Variants in CYP2A13 observed in about 807,000 individuals in gnomAD.
CYP2A13 encodes the protein cytochrome P450 2A13.
A neutral mutation model predicts 39.4 loss-of-function variants in CYP2A13; 30 were observed. That is an observed-to-expected ratio of 0.76 (90% confidence interval 0.57 to 1.03). The LOEUF (loss-of-function observed/expected upper bound fraction) is 1.03, where lower values mean the gene tolerates loss of function less well. Ranked by LOEUF, CYP2A13 falls within the 50% of genes least tolerant of loss-of-function variation. CYP2A13 has a pLI of 0.00. For synonymous variants in CYP2A13, 269 were observed against 254.7 expected (o/e 1.06, Z -0.54); for missense variants, 731 against 648.4 (o/e 1.13, Z -1.38).
In CYP2A13 at chr19:41,096,082, A is replaced by G; in HGVS notation, c.*141A>G. 1 of 1,272,976 alleles carries G rather than the reference A, an allele frequency of 7.9e-7. No homozygotes were observed. Among genetic ancestry groups the G allele is most frequent in the East Asian group, 2.5e-5 (1 of 39,422 alleles). 78.9% of individuals were successfully genotyped at this position (1,272,976 alleles called of 1,614,324 possible). On this transcript the variant is annotated 3_prime_UTR_variant, in exon 9 of 9. Coordinates refer to ENST00000330436, the MANE Select transcript of CYP2A13 (RefSeq NM_000766.5). ...AGAGGTGGTTAGAGGGAACAGAAGA[A>G]ACAGAAGGGGCTCAGTTCACCTTGA...
intron 4 of CYP2A13, among the ~76,000 whole-genome samples, chr19:41,091,493 C>T (rs1447355569): frequency 6.6e-6 from 1 of 152,176 alleles, no homozygotes; most frequent in Non-Finnish European, 1.5e-5. Context: ...ATTTGCATAC[C>T]TGAAACCTGG....
chr19:41,092,137 G>C (rs911932840), intron 5 of CYP2A13, among the ~76,000 whole-genome samples: 52 of 151,912 alleles, frequency 3.4e-4, no homozygotes, highest in Middle Eastern at 6.8e-3. Context: ...CCAACATGGT[G>C]AAACCCCGTC....
chr19:41,094,793 G>T (rs560082784), intron 7 of CYP2A13, among the ~76,000 whole-genome samples, 166 bp from the exon 8 acceptor site: 1 of 152,076 alleles, frequency 6.6e-6, no homozygotes, highest in Admixed American at 6.5e-5. Context: ...CTGTTTCAGA[G>T]ACATGAAACT....
chr19:41,095,999 G>A lies in CYP2A13; in HGVS notation c.*58G>A. The A allele has an allele frequency of 6.3e-7, 1 of 1,576,862 alleles. No individual in the cohort carries two copies. The highest frequency in any genetic ancestry group is 2.3e-5 in the East Asian group (1 of 43,762). On this transcript the variant is annotated 3_prime_UTR_variant, in exon 9 of 9. Coordinates refer to ENST00000330436, the MANE Select transcript of CYP2A13 (RefSeq NM_000766.5). ...GGGGCCAGGGAAACGGCCGGGGCAG[G>A]GGCGGGGCTTGTGGGAGGGGCGGGG...
chr19:41,089,578 G>A (rs561009876), intron 2 of CYP2A13, among the ~76,000 whole-genome samples: 1 of 151,804 alleles, frequency 6.6e-6, no homozygotes, highest in South Asian at 2.1e-4. Flanking sequence ...CTCTGTTTCT[G>A]TCTCCATATT....
Position 41,090,157 on chromosome 19 carries a change from G to A in CYP2A13, c.454G>A (p.Glu152Lys). 6.3e-7 allele frequency: 1 copy of A among 1,594,810 alleles called. No individual in the cohort carries two copies. Among genetic ancestry groups the A allele is most frequent in the East Asian group, 2.2e-5 (1 of 44,638 alleles). The change falls in exon 3 of 9, where the codon GAG becomes AAG. Residue 152 changes from glutamate (E) to lysine (K), a missense_variant. Coordinates refer to ENST00000330436, the MANE Select transcript of CYP2A13 (RefSeq NM_000766.5). ...KRGIEERIQE[E>K]AGFLIDALRG... Reference sequence around the variant, plus strand: ...CGGCATCGAGGAACGCATCCAGGAGGAGGCGGGCTTCCTCATCGACGCCCT... The same window carrying A: ...CGGCATCGAGGAACGCATCCAGGAGAAGGCGGGCTTCCTCATCGACGCCCT...
intron 2 of CYP2A13, 36 bp downstream of exon 2, chr19:41,089,127 T>C (rs1265600262): frequency 7.5e-6 from 12 of 1,610,600 alleles, no homozygotes; most frequent in East Asian, 2.2e-5. Flanking sequence ...GGTGGCCAGG[T>C]GGATGCAATG....
intron 2 of CYP2A13, among the ~76,000 whole-genome samples, 188 bp downstream of exon 2, chr19:41,089,279 G>C (rs533156747): frequency 1.5e-4 from 23 of 152,030 alleles, no homozygotes; most frequent in Non-Finnish European, 2.5e-4. Context: ...CGTCCCTGTC[G>C]TGATTCCTCC....
At position 41,095,888 on chromosome 19, in the gene CYP2A13, G is replaced by C. The variant is rs748774165; in HGVS notation, c.1432G>C (p.Val478Leu). The change falls in exon 9 of 9, where the codon GTG (valine) becomes CTG (leucine). Residue 478 changes from valine to leucine, a missense_variant. Physicochemically the swap from Val to Leu is conservative, Grantham distance 32. Coordinates refer to ENST00000330436, the MANE Select transcript of CYP2A13 (RefSeq NM_000766.5). ...PKDIDVSPKH[V>L]GFATIPRNYT... ...GGATATCGACGTGTCCCCCAAACAC[G>C]TGGGCTTTGCCACGATCCCACGAAA... 2.5e-6 allele frequency: 4 copies of C among 1,613,820 alleles called. No individual in the cohort carries two copies. Among genetic ancestry groups the C allele is most frequent in the Non-Finnish European group, 3.4e-6 (4 of 1,179,898 alleles).
At chr19:41,094,129 T>C (rs1379528334) in intron 6 of CYP2A13, 116 bp from the exon 7 acceptor site, 1 of 1,463,008 alleles carries the variant, frequency 6.8e-7, no homozygotes, top group East Asian at 2.3e-5. Flanking sequence ...CTGTTATGAA[T>C]GGTCTACCTC....
chr19:41,095,146 G>A (rs771376706), intron 8 of CYP2A13, 46 bp downstream of exon 8: 2 of 1,613,708 alleles, frequency 1.2e-6, no homozygotes, highest in Non-Finnish European at 1.7e-6. Flanking sequence ...ACACCAGCAG[G>A]GGCCTCTCTC....
intron 6 of CYP2A13, 42 bp downstream of exon 6, chr19:41,093,813 CA>C: frequency 1.9e-6 from 3 of 1,605,610 alleles, no homozygotes; most frequent in Non-Finnish European, 2.6e-6. Context: ...CCCAGACCCT[CA>C]AAACTCCCCT....
At position 41,095,090 on chromosome 19, in the gene CYP2A13, C is replaced by T; in HGVS notation, c.1293C>T (p.Pro431=). 2 of 1,614,094 alleles carry T rather than the reference C, an allele frequency of 1.2e-6. No individual in the cohort carries two copies. Among genetic ancestry groups the T allele is most frequent in the African/African-American group, 1.3e-5 (1 of 75,014 alleles). ...GQFKKSDAFV[P]FSIGKRYCFG... ...TTAAGAAGAGTGATGCTTTTGTGCC[C>T]TTTTCCATCGGTAAGAGACCACTGT... is the stretch of plus-strand genomic sequence containing the variant. The change falls in exon 8 of 9, where the codon CCC becomes CCT. Residue 431 remains proline, a synonymous_variant. Transcript: ENST00000330436.
intron 8 of CYP2A13, 37 bp from the exon 9 acceptor site, chr19:41,095,723 G>A (rs2031289835): frequency 1.2e-6 from 2 of 1,611,208 alleles, no homozygotes; most frequent in Non-Finnish European, 1.7e-6. Context: ...CACTGAGAGT[G>A]GGCTTCACCT....
chr19:41,094,494 C>T, intron 7 of CYP2A13, 62 bp downstream of exon 7: 1 of 1,585,732 alleles, frequency 6.3e-7, no homozygotes, highest in South Asian at 1.1e-5. Context: ...CTCTCTGTGT[C>T]CCCAGAATCC....
chr19:41,093,583 C>G, intron 5 of CYP2A13, 47 bp from the exon 6 acceptor site: 1 of 1,612,336 alleles, frequency 6.2e-7, no homozygotes, highest in East Asian at 2.2e-5. Context: ...AGAAGGGCCC[C>G]AAGAGCATGG....
At chr19:41,092,302 C>A (rs1424874699) in intron 5 of CYP2A13, among the ~76,000 whole-genome samples, 1 of 107,558 alleles carries the variant, frequency 9.3e-6, no homozygotes, top group African/African-American at 3.8e-5. Context: ...AGTGACAGAG[C>A]AAGACCCTGT....
chr19:41,091,651 T>A, intron 4 of CYP2A13, 81 bp from the exon 5 acceptor site: 1 of 1,571,066 alleles, frequency 6.4e-7, no homozygotes, highest in Non-Finnish European at 8.6e-7. Flanking sequence ...CCTTCCTTGC[T>A]ATGAAACAAA....
chr19:41,092,777 C>T (rs2031219948), intron 5 of CYP2A13, among the ~76,000 whole-genome samples: 1 of 152,122 alleles, frequency 6.6e-6, no homozygotes, highest in Non-Finnish European at 1.5e-5. Flanking sequence ...TGTCAGCCTC[C>T]CATGTGGGAA....
Sources: allele counts gnomAD v4.1 joint callset (sites outside exome capture counted in the v4.1 genomes callset), GRCh38; gene constraint gnomAD v4.1.1; transcripts MANE v1.5; gene names NCBI Gene and HGNC (gene_info 2026-07-23, HGNC 2026-07-21).